The following PASD1 variants were observed in gnomAD, a reference collection of about 807,000 sequenced individuals.
PASD1 encodes the protein circadian clock protein PASD1.
In PASD1, 13 loss-of-function variants were observed where a neutral mutation model predicts 58.8. The observed-to-expected ratio is 0.22, with a 90% CI of 0.14 to 0.35. PASD1 has a LOEUF of 0.35. PASD1 is among the 10% of genes least tolerant of loss of function. The probability of loss-of-function intolerance (pLI) is 1.00; values close to 1 mark genes in which losing one functional copy is unlikely to be tolerated. For missense variants in PASD1, 734 were observed against 568.3 expected, an observed-to-expected ratio of 1.29 and a Z score of -2.96; for synonymous variants, 236 against 216.7, an observed-to-expected ratio of 1.09 and a Z score of -0.78.
chrX:151,645,712 G>A (rs1187592803), intron 8 of PASD1: 2 of 111,679 alleles, frequency 1.8e-5, no homozygotes, highest in Admixed American at 1.9e-4. Context: ...GACAAAGAAA[G>A]TTGTGCTTGT....
Position 151,621,186 on chromosome X carries a change from T to TA in PASD1, c.307+164dup, listed in dbSNP as rs535034789. On this transcript the variant is annotated intron_variant, in intron 5 of 15. Coordinates refer to ENST00000370357, the MANE Select transcript of PASD1 (RefSeq NM_173493.3). ...ATATTACAAACTCTATTTCTAGTGT[T>TA]AAAAAAATCTCTCCTCCATTAAATC... is the stretch of plus-strand genomic sequence containing the variant. Among the ~76,000 whole-genome samples, 4 of 111,210 alleles carry TA rather than the reference T, an allele frequency of 3.6e-5. No homozygotes were observed. In the South Asian group the frequency reaches 1.1e-3, roughly 32 times the overall value.
At chrX:151,651,445 C>T (rs906804046) in intron 9 of PASD1, among the ~76,000 whole-genome samples, 1 of 111,661 alleles carries the variant, frequency 9.0e-6, no homozygotes, top group African/African-American at 3.3e-5. Flanking sequence ...GGGGTGGGAT[C>T]TTCAGAAGCA....
intron 1 of PASD1, among the ~76,000 whole-genome samples, chrX:151,576,239 C>G (rs1350540120): frequency 9.0e-6 from 1 of 111,063 alleles, no homozygotes; most frequent in African/African-American, 3.3e-5. Flanking sequence ...CTCCTGGGCT[C>G]AAGCGATCCT....
chrX:151,666,718 C>A (rs1403141215), intron 11 of PASD1, among the ~76,000 whole-genome samples: 1 of 97,970 alleles, frequency 1.0e-5, no homozygotes, highest in Non-Finnish European at 2.0e-5. Flanking sequence ...ATGAACTCAT[C>A]ATTTTTTATG....
At chrX:151,565,646 C>T (rs2012828691) in intron 1 of PASD1, among the ~76,000 whole-genome samples, 1 of 107,472 alleles carries the variant, frequency 9.3e-6, no homozygotes, top group African/African-American at 3.4e-5. Context: ...CAAGCTCCAC[C>T]TGCCAGGTTC....
chrX:151,669,055 A>G (rs1437987508), intron 11 of PASD1, among the ~76,000 whole-genome samples: 3 of 107,633 alleles, frequency 2.8e-5, no homozygotes, highest in Non-Finnish European at 5.7e-5. Context: ...CCTCTTTTTT[A>G]TTACTGTTTT....
intron 9 of PASD1, among the ~76,000 whole-genome samples, chrX:151,653,596 A>T (rs1018212915): frequency 2.7e-4 from 30 of 110,032 alleles, no homozygotes; most frequent in Non-Finnish European, 5.1e-4. Flanking sequence ...TGGGAGGATA[A>T]TGTTGCATTA....
chrX:151,612,386 C>T (rs1444381597), intron 4 of PASD1, among the ~76,000 whole-genome samples: 2 of 108,202 alleles, frequency 1.8e-5, no homozygotes, highest in Non-Finnish European at 3.8e-5. Context: ...CCTGAGGAAT[C>T]GCCACACTGA....
At chrX:151,616,504 GT>G (rs59708149) in intron 4 of PASD1, among the ~76,000 whole-genome samples, 1 of 103,005 alleles carries the variant, frequency 9.7e-6, no homozygotes, top group African/African-American at 3.5e-5. Flanking sequence ...TTCATTGACA[GT>G]TTTTTTTTTC....
At chrX:151,640,693 T>TGAC (rs2013985486) in intron 8 of PASD1, among the ~76,000 whole-genome samples, 1 of 111,890 alleles carries the variant, frequency 8.9e-6, no homozygotes, top group African/African-American at 3.3e-5. Flanking sequence ...TGTGTAGCCT[T>TGAC]GACATTCATT....
At chrX:151,653,755 T>C (rs188350901) in intron 9 of PASD1, among the ~76,000 whole-genome samples, 154 of 3,307 alleles carry the variant, frequency 0.047, 3 homozygotes, top group African/African-American at 0.064. Context: ...TCCTTCCTTC[T>C]TTCTTTCTTT....
intron 4 of PASD1, among the ~76,000 whole-genome samples, chrX:151,616,901 A>G (rs2013644073): frequency 9.0e-6 from 1 of 111,442 alleles, no homozygotes; most frequent in African/African-American, 3.3e-5. Context: ...AGAGGATCTT[A>G]TCCTTCCCTG....
At chrX:151,594,609 C>T (rs746310120) in intron 1 of PASD1, among the ~76,000 whole-genome samples, 7 of 111,888 alleles carry the variant, frequency 6.3e-5, no homozygotes, top group Middle Eastern at 4.6e-3. Flanking sequence ...ATCATTGTCA[C>T]GGGTTTTACT....
At chrX:151,616,388 A>G (rs929616212) in intron 4 of PASD1, among the ~76,000 whole-genome samples, 2 of 111,030 alleles carry the variant, frequency 1.8e-5, no homozygotes, top group African/African-American at 6.5e-5. Context: ...TGTCCAAGTT[A>G]TGCTGTTACA....
At chrX:151,616,565 C>G (rs2013640142) in intron 4 of PASD1, among the ~76,000 whole-genome samples, 1 of 109,574 alleles carries the variant, frequency 9.1e-6, no homozygotes, top group African/African-American at 3.3e-5. Flanking sequence ...AGTCACTGCC[C>G]CCTGTTCTTA....
At chrX:151,586,179 G>C (rs765710312) in intron 1 of PASD1, among the ~76,000 whole-genome samples, 3 of 112,072 alleles carry the variant, frequency 2.7e-5, no homozygotes, top group Admixed American at 1.9e-4. Flanking sequence ...AAAAGCTTAG[G>C]TGGTGTTGTC....
At position 151,674,116 on chromosome X, in the gene PASD1, C is replaced by T. The variant is rs140931775; in HGVS notation, c.2105C>T (p.Pro702Leu). ...LWQELSDSLG[P>L]VVQVNTWSCD... ...CAAGAGTTGTCTGATTCACTCGGTC[C>T]TGTTGTCCAAGTGAACACTTGGTCT... is the stretch of plus-strand genomic sequence containing the variant. Residue 702 changes from proline to leucine, a missense_variant, in exon 15 of 16, where the codon CCT becomes CTT. Transcript: ENST00000370357. The T allele has an allele frequency of 6.6e-6, 8 of 1,210,235 alleles. No homozygotes were observed. The highest frequency in any genetic ancestry group is 1.8e-5 in the South Asian group (1 of 56,825).
At chrX:151,616,040 G>C (rs1294376323) in intron 4 of PASD1, among the ~76,000 whole-genome samples, 1 of 112,038 alleles carries the variant, frequency 8.9e-6, no homozygotes, top group Non-Finnish European at 1.9e-5. Context: ...ACAGCAAAGA[G>C]GACAGTGTAA....
At chrX:151,599,747 G>A (rs1302991012) in intron 1 of PASD1, among the ~76,000 whole-genome samples, 1 of 108,051 alleles carries the variant, frequency 9.3e-6, no homozygotes, top group Non-Finnish European at 1.9e-5. Flanking sequence ...TAGATGGGAT[G>A]ACGGCTGGGA....
Sources: gnomAD v4.1 joint callset for allele counts (sites outside exome capture counted in the v4.1 genomes callset) on GRCh38, gnomAD v4.1.1 for gene constraint, MANE v1.5 for transcripts, NCBI Gene and HGNC (gene_info 2026-07-23, HGNC 2026-07-21) for gene names.